The following AGBL2 variants were observed in gnomAD, a reference collection of about 807,000 sequenced individuals.
The protein encoded by AGBL2 is AGBL carboxypeptidase 2, also known as cytosolic carboxypeptidase 2.
AGBL2 carries 87 observed loss-of-function variants against 103.0 expected under a neutral mutation model. The observed-to-expected ratio is 0.84, with a 90% CI of 0.71 to 1.01. The LOEUF (loss-of-function observed/expected upper bound fraction) is 1.01. AGBL2 is among the 50% of genes least tolerant of loss of function. AGBL2 has a pLI of 0.00. For synonymous variants in AGBL2, 335 were observed against 356.7 expected, an observed-to-expected ratio of 0.94 and a Z score of 0.69; for missense variants, 904 against 1,023.5, an observed-to-expected ratio of 0.88 and a Z score of 1.59.
intron 14 of AGBL2, among the ~76,000 whole-genome samples, chr11:47,671,626 G>T (rs889067907): frequency 6.6e-6 from 1 of 152,084 alleles, no homozygotes; most frequent in African/African-American, 2.4e-5. Context: ...AGCTGCCCAG[G>T]CCTTCATTCT....
intron 14 of AGBL2, among the ~76,000 whole-genome samples, chr11:47,670,264 T>C (rs938640295): frequency 1.3e-5 from 2 of 152,222 alleles, no homozygotes; most frequent in Non-Finnish European, 2.9e-5. Flanking sequence ...TATAAACATA[T>C]GCATTTAATA....
At chr11:47,666,667 T>C in intron 17 of AGBL2, 1 of 549,114 alleles carries the variant, frequency 1.8e-6, no homozygotes, top group South Asian at 2.6e-5. Context: ...CATTTGCTGA[T>C]TGAGTAGATG....
At position 47,690,489 on chromosome 11, in the gene AGBL2, G is replaced by A. The variant is rs779129096; in HGVS notation, c.1218C>T (p.Tyr406=). 1.1e-5 allele frequency: 18 copies of A among 1,614,050 alleles called. No homozygotes were observed. The highest frequency in any genetic ancestry group is 6.7e-5 in the East Asian group (3 of 44,898). ...TAGGGTTGTTTGCCACTGACAGGAG[G>A]TAGCATTGCAAATCAGTGTATGTAT... ...YPYTYTDLQC[Y]LLSVANNPIQ... is the part of the protein sequence containing the mutation. Residue 406 remains tyrosine (Y), a synonymous_variant, in exon 10 of 19, where the codon TAC becomes TAT. Coordinates refer to ENST00000525123, the MANE Select transcript of AGBL2 (RefSeq NM_024783.4).
chr11:47,667,922 C>G (rs2097345678), intron 15 of AGBL2, among the ~76,000 whole-genome samples: 1 of 152,114 alleles, frequency 6.6e-6, no homozygotes, highest in Non-Finnish European at 1.5e-5. Flanking sequence ...CAAAGGGGTA[C>G]TTATGGTTGG....
chr11:47,661,959 G>T (rs2097329170), intron 18 of AGBL2, among the ~76,000 whole-genome samples: 1 of 151,970 alleles, frequency 6.6e-6, no homozygotes, highest in African/African-American at 2.4e-5. Context: ...ATGTTGGCCA[G>T]GCTGGTCTCG....
At chr11:47,679,149 A>C (rs2097391355) in intron 13 of AGBL2, among the ~76,000 whole-genome samples, 1 of 149,572 alleles carries the variant, frequency 6.7e-6, no homozygotes, top group African/African-American at 2.5e-5. Flanking sequence ...AGCTGGGCAC[A>C]GTGGCTCATG....
rs869274971 is a variant in AGBL2, at chr11:47,678,330, A to ATTTTTTTTT, written c.2017-930_2017-929insAAAAAAAAA. Among the ~76,000 whole-genome samples the ATTTTTTTTT allele has an allele frequency of 3.5e-5, 4 of 114,506 alleles. No individual in the cohort carries two copies. In the South Asian group the frequency reaches 1.6e-3, roughly 47 times the overall value. 75.1% of individuals were successfully genotyped at this position (114,506 alleles called of 152,430 possible). A position where few individuals can be genotyped will look rare whatever the true frequency, so the allele number is the denominator to read the frequency against. Reference sequence around the variant, plus strand: ...ATTTTATTTTATTTTATTTTATTTTATTTTATTATTTTATTTTTTTTGAGA... The same window carrying ATTTTTTTTT: ...ATTTTATTTTATTTTATTTTATTTTATTTTTTTTTTTTTATTATTTTATTTTTTTTGAGA... On this transcript the variant is annotated intron_variant, in intron 13 of 18. Coordinates refer to ENST00000525123, the MANE Select transcript of AGBL2 (RefSeq NM_024783.4).
At chr11:47,684,876 A>G (rs2097417744) in intron 11 of AGBL2, among the ~76,000 whole-genome samples, 1 of 152,176 alleles carries the variant, frequency 6.6e-6, no homozygotes, top group African/African-American at 2.4e-5. Context: ...AGGGTCAACC[A>G]CCACAGGATA....
intron 8 of AGBL2, among the ~76,000 whole-genome samples, chr11:47,695,466 ACT>A (rs2097464707): frequency 1.1e-5 from 1 of 95,084 alleles, no homozygotes; most frequent in African/African-American, 4.6e-5. Context: ...CGAAAGTGAA[ACT>A]CTGTCTCAAA....
intron 9 of AGBL2, among the ~76,000 whole-genome samples, chr11:47,691,729 AATATATAT>A (rs1554960982): frequency 1.0e-3 from 5 of 4,856 alleles, no homozygotes; most frequent in South Asian, 0.027. Context: ...AAAAAAAAAA[AATATATAT>A]ATATATATAT....
intron 11 of AGBL2, among the ~76,000 whole-genome samples, chr11:47,682,419 C>T (rs2153803713): frequency 6.6e-6 from 1 of 152,164 alleles, no homozygotes; most frequent in Non-Finnish European, 1.5e-5. Flanking sequence ...ACATTTTTGC[C>T]CATGAACTCT....
intron 15 of AGBL2, among the ~76,000 whole-genome samples, chr11:47,668,253 A>G (rs2097347121): frequency 6.7e-6 from 1 of 148,790 alleles, no homozygotes; most frequent in African/African-American, 2.5e-5. Flanking sequence ...TCACGCCTAT[A>G]TTCCCAGCAC....
At chr11:47,678,238 A>G (rs760642723) in intron 13 of AGBL2, among the ~76,000 whole-genome samples, 1 of 151,932 alleles carries the variant, frequency 6.6e-6, no homozygotes, top group Non-Finnish European at 1.5e-5. Flanking sequence ...CTGGGATTAC[A>G]GGCGTGAGCC....
At position 47,659,922 on chromosome 11, in the gene AGBL2, T is replaced by G. The variant is rs968492712; in HGVS notation, c.*251A>C. 2 of 362,878 alleles carry G rather than the reference T, an allele frequency of 5.5e-6. No homozygotes were observed. Among genetic ancestry groups the G allele is most frequent in the South Asian group, 9.2e-5 (1 of 10,846 alleles). The allele number at this position is 362,878 out of a possible 1,614,324, so 22.5% of individuals were successfully genotyped here. ...ATGAAGTGTGCCATGAGAACACACT[T>G]CAGTTTCTGATAAAGCATTTTTACA... On this transcript the variant is annotated 3_prime_UTR_variant, in exon 19 of 19. Coordinates refer to ENST00000525123, the MANE Select transcript of AGBL2 (RefSeq NM_024783.4).
chr11:47,700,919 A>G (rs2097496229), intron 7 of AGBL2, among the ~76,000 whole-genome samples: 2 of 151,130 alleles, frequency 1.3e-5, no homozygotes, highest in African/African-American at 4.9e-5. Context: ...AAATTAGCCG[A>G]GTTACAGTGG....
chr11:47,681,477 G>A (rs2097400962), intron 12 of AGBL2, among the ~76,000 whole-genome samples: 1 of 152,096 alleles, frequency 6.6e-6, no homozygotes. Context: ...TTGTTTGTTT[G>A]TTTGTTTTGA....
intron 10 of AGBL2, among the ~76,000 whole-genome samples, chr11:47,687,928 C>T (rs888422994): frequency 1.3e-5 from 2 of 151,670 alleles, no homozygotes; most frequent in Non-Finnish European, 2.9e-5. Context: ...GTGCTTCAGC[C>T]TCCTGAGTAG....
rs2097342130 is a variant in AGBL2 at position 47,666,654 on chromosome 11, T to C, written c.2448+302A>G. 14 of 545,984 alleles carry C rather than the reference T, an allele frequency of 2.6e-5. No homozygotes were observed. The East Asian group carries it at 3.7e-4, about 15-fold the overall frequency. 33.8% of individuals were successfully genotyped at this position (545,984 alleles called of 1,614,324 possible). A position where few individuals can be genotyped will look rare whatever the true frequency, so the allele number is the denominator to read the frequency against. ...TAAAATTCATTGATTTATTTTAAAA[T>C]AACATTTGCTGATTGAGTAGATGGG... On this transcript the variant is annotated intron_variant, in intron 17 of 18. Coordinates refer to ENST00000525123, the MANE Select transcript of AGBL2 (RefSeq NM_024783.4).
chr11:47,713,137 C>T (rs2097540315), intron 3 of AGBL2, among the ~76,000 whole-genome samples: 1 of 151,786 alleles, frequency 6.6e-6, no homozygotes, highest in Non-Finnish European at 1.5e-5. Flanking sequence ...GTCAGGAGTT[C>T]AAGACCAGCC....
Sources: gnomAD v4.1 joint callset for allele counts (sites outside exome capture counted in the v4.1 genomes callset) on GRCh38, gnomAD v4.1.1 for gene constraint, MANE v1.5 for transcripts, NCBI Gene and HGNC (gene_info 2026-07-23, HGNC 2026-07-21) for gene names.